NXN: variants seen among roughly 807,000 people sequenced by gnomAD.
NXN encodes the protein nucleoredoxin.
A neutral mutation model predicts 48.6 loss-of-function variants in NXN; 16 were observed. That is an observed-to-expected ratio of 0.33 (90% CI 0.22 to 0.50). The LOEUF (loss-of-function observed/expected upper bound fraction) is 0.50, where lower values mean the gene tolerates loss of function less well. Ranked by LOEUF, NXN falls within the 20% of genes least tolerant of loss-of-function variation. NXN has a pLI of 0.98. For missense variants in NXN, 492 were observed against 605.5 expected, an observed-to-expected ratio of 0.81 and a Z score of 1.97; for synonymous variants, 281 against 269.6, an observed-to-expected ratio of 1.04 and a Z score of -0.41.
rs1023382189 is a variant in NXN at position 830,450 on chromosome 17, G to A, written c.361-4372C>T. On this transcript the variant is annotated intron_variant, in intron 1 of 7. Coordinates refer to ENST00000336868, the MANE Select transcript of NXN (RefSeq NM_022463.5). The surrounding 1 kb of genome is among the most constrained non-coding windows in gnomAD (Gnocchi z 4.2). Reference sequence around the variant, plus strand: ...GCGTGGATTCCAGAGACAGGCGTCCGGGAGGAATGACATTTGGGCACAGAC... The same window carrying A: ...GCGTGGATTCCAGAGACAGGCGTCCAGGAGGAATGACATTTGGGCACAGAC... Among the ~76,000 whole-genome samples the A allele has an allele frequency of 3.9e-5, 6 of 152,148 alleles. No homozygotes were observed. Among genetic ancestry groups the A allele is most frequent in the South Asian group, 2.1e-4 (1 of 4,816 alleles).
chr17:882,394 C>T (rs1255863492), intron 1 of NXN, among the ~76,000 whole-genome samples: 1 of 152,226 alleles, frequency 6.6e-6, no homozygotes, highest in African/African-American at 2.4e-5. Context: ...TCCTAGACAG[C>T]TCCTGAATGA....
chr17:838,375 G>A (rs1370574893), intron 1 of NXN, among the ~76,000 whole-genome samples: 1 of 151,868 alleles, frequency 6.6e-6, no homozygotes, highest in Non-Finnish European at 1.5e-5. Flanking sequence ...CAGGTGATCC[G>A]CCCACCTCGG....
chr17:806,296 C>T (rs895785379), intron 5 of NXN, among the ~76,000 whole-genome samples: 1 of 150,094 alleles, frequency 6.7e-6, no homozygotes, highest in African/African-American at 2.5e-5. Flanking sequence ...AGGGCTGCAG[C>T]CCCCGCCGTC....
At chr17:829,480 T>G in intron 1 of NXN, among the ~76,000 whole-genome samples, 1 of 148,628 alleles carries the variant, frequency 6.7e-6, no homozygotes, top group South Asian at 2.1e-4. Flanking sequence ...TTTTTTAAAG[T>G]TCTGGGATAC....
rs2144653992 is a variant in NXN at position 825,875 on chromosome 17, C to T, written c.478+86G>A. On this transcript the variant is annotated intron_variant, in intron 2 of 7. Transcript: ENST00000336868. This position sits in a 1 kb window ranked among gnomAD's most constrained non-coding sequence, Gnocchi z 4.1. Reference sequence around the variant, plus strand: ...GTATCTATTTCACCAGTACTCTCTCCACCGGTGGGACGGAGATTAGCCTAA... The same window carrying T: ...GTATCTATTTCACCAGTACTCTCTCTACCGGTGGGACGGAGATTAGCCTAA... 2 of 826,322 alleles carry T rather than the reference C, an allele frequency of 2.4e-6. No individual in the cohort carries two copies. The highest frequency in any genetic ancestry group is 2.2e-5 in the Admixed American group (1 of 45,062). The allele number at this position is 826,322 out of a possible 1,614,324, so 51.2% of individuals were successfully genotyped here.
At chr17:934,659 A>G (rs2068889680) in intron 1 of NXN, among the ~76,000 whole-genome samples, 1 of 151,778 alleles carries the variant, frequency 6.6e-6, no homozygotes, top group African/African-American at 2.4e-5. Flanking sequence ...GGATCACCTG[A>G]GGTCAGGAGT....
chr17:976,678 T>C (rs1597293949), intron 1 of NXN, among the ~76,000 whole-genome samples: 1 of 152,160 alleles, frequency 6.6e-6, no homozygotes, highest in East Asian at 1.9e-4. Context: ...CACGGGCTTC[T>C]AAGCACCCTA....
chr17:857,250 C>T (rs932078628), intron 1 of NXN, among the ~76,000 whole-genome samples: 39 of 151,940 alleles, frequency 2.6e-4, no homozygotes, highest in African/African-American at 9.2e-4. Flanking sequence ...TGTCTTGGAC[C>T]TTTTCTTTTT....
intron 1 of NXN, among the ~76,000 whole-genome samples, chr17:914,554 G>A (rs1385983231): frequency 6.8e-6 from 1 of 148,086 alleles, no homozygotes; most frequent in African/African-American, 2.4e-5. Flanking sequence ...TCTGTAATTG[G>A]TAGCGCAAGC....
chr17:974,136 T>C (rs961504075), intron 1 of NXN, among the ~76,000 whole-genome samples: 2 of 151,308 alleles, frequency 1.3e-5, no homozygotes, highest in Non-Finnish European at 2.9e-5. Context: ...GATCACGAGG[T>C]CGGGAGATCG....
At position 920,393 on chromosome 17, in the gene NXN, C is replaced by T. The variant is rs1169042559; in HGVS notation, c.360+58926G>A. Among the ~76,000 whole-genome samples, 1 of 147,698 alleles carries T rather than the reference C, an allele frequency of 6.8e-6. No homozygotes were observed. Among genetic ancestry groups the T allele is most frequent in the Admixed American group, 6.7e-5 (1 of 14,996 alleles). Reference sequence around the variant, plus strand: ...CCCGAGCGCCTGGGGATACCTAGGCCCTCCTGTCATGCCCCAAGGCCAATG... The same window carrying T: ...CCCGAGCGCCTGGGGATACCTAGGCTCTCCTGTCATGCCCCAAGGCCAATG... On this transcript the variant is annotated intron_variant, in intron 1 of 7. Transcript: ENST00000336868. The surrounding 1 kb of genome is among the most constrained non-coding windows in gnomAD (Gnocchi z 4.6).
chr17:913,607 C>T (rs2068657205), intron 1 of NXN, among the ~76,000 whole-genome samples: 1 of 151,958 alleles, frequency 6.6e-6, no homozygotes, highest in Admixed American at 6.5e-5. Context: ...CCTACCCCCA[C>T]GTCCCCAGGC....
intron 1 of NXN, among the ~76,000 whole-genome samples, chr17:858,544 G>A (rs971286047): frequency 1.3e-5 from 2 of 151,604 alleles, no homozygotes; most frequent in Admixed American, 6.6e-5. Context: ...TGGCTAACAC[G>A]GTGAAACCCC....
chr17:934,863 C>T (rs1040295242), intron 1 of NXN, among the ~76,000 whole-genome samples: 2 of 151,994 alleles, frequency 1.3e-5, no homozygotes, highest in African/African-American at 4.8e-5. Context: ...GACAGGAAGA[C>T]GCCATCTCAA....
chr17:950,011 G>A (rs553453404), intron 1 of NXN, among the ~76,000 whole-genome samples: 1 of 152,240 alleles, frequency 6.6e-6, no homozygotes, highest in Admixed American at 6.5e-5. Flanking sequence ...GTAGGCTGAA[G>A]ACAGCCTGAT....
intron 1 of NXN, among the ~76,000 whole-genome samples, chr17:954,812 C>T (rs893752170): frequency 4.6e-5 from 7 of 152,252 alleles, no homozygotes; most frequent in Admixed American, 6.5e-5. Flanking sequence ...GGGGCCGCAT[C>T]GGCCTAGACT....
chr17:864,274 C>T (rs1015118965), intron 1 of NXN, among the ~76,000 whole-genome samples: 1 of 152,206 alleles, frequency 6.6e-6, no homozygotes. Flanking sequence ...ATAAAAAGTT[C>T]GGAGTAGGGA....
In NXN at chr17:812,852, ATGTGTGTAGG is replaced by A. The variant is rs763848063; in HGVS notation, c.820+6577_820+6586del. Among the ~76,000 whole-genome samples, 17 of 127,794 alleles carry A rather than the reference ATGTGTGTAGG, an allele frequency of 1.3e-4. 1 individual carries two copies. The South Asian group carries it at 3.5e-3, about 27-fold the overall frequency. 83.8% of individuals were successfully genotyped at this position (127,794 alleles called of 152,430 possible). On this transcript the variant is annotated intron_variant, in intron 5 of 7. Coordinates refer to ENST00000336868, the MANE Select transcript of NXN (RefSeq NM_022463.5). ...TGCATGTGTGAGTGTAGGTGTGTGC[ATGTGTGTAGG>A]TGTGTGTGGGTGTGTGCGCACATGT...
At chr17:846,531 C>T (rs1044323679) in intron 1 of NXN, among the ~76,000 whole-genome samples, 12 of 152,162 alleles carry the variant, frequency 7.9e-5, no homozygotes, top group African/African-American at 2.9e-4. Flanking sequence ...GCCCCTTTGG[C>T]CAGTCGCCAT....
Sources: allele counts gnomAD v4.1 joint callset (sites outside exome capture counted in the v4.1 genomes callset), GRCh38; gene constraint gnomAD v4.1.1; non-coding constraint Gnocchi (gnomAD v3.1); transcripts MANE v1.5; gene names NCBI Gene and HGNC (gene_info 2026-07-23, HGNC 2026-07-21).